The following GDPD1 variants were observed in gnomAD, a reference collection of about 807,000 sequenced individuals.
GDPD1 encodes glycerophosphodiester phosphodiesterase domain containing 1.
A neutral mutation model predicts 45.1 loss-of-function variants in GDPD1; 28 were observed. That is an observed-to-expected ratio of 0.62 (90% CI 0.46 to 0.85). The LOEUF (loss-of-function observed/expected upper bound fraction) is 0.85, where lower values mean the gene tolerates loss of function less well. GDPD1 is among the 40% of genes least tolerant of loss of function. GDPD1 has a pLI of 0.00. For synonymous variants in GDPD1, 139 were observed against 131.4 expected (o/e 1.06, Z -0.40); for missense variants, 256 against 364.8 (o/e 0.70, Z 2.43).
At chr17:59,262,790 C>G (rs7207522) in intron 6 of GDPD1, among the ~76,000 whole-genome samples, 66,991 of 151,716 alleles carry the variant, frequency 0.44, 16,559 homozygotes, top group African/African-American at 0.68. Flanking sequence ...ACTAAGCCTG[C>G]CTAATTTTTG....
intron 7 of GDPD1, among the ~76,000 whole-genome samples, chr17:59,269,561 G>A (rs2047429315): frequency 1.3e-5 from 2 of 149,852 alleles, no homozygotes. Flanking sequence ...AGGGGCTCCT[G>A]CCTGTAATCT....
At chr17:59,242,234 T>C (rs2047180686) in intron 2 of GDPD1, among the ~76,000 whole-genome samples, 1 of 152,190 alleles carries the variant, frequency 6.6e-6, no homozygotes, top group Non-Finnish European at 1.5e-5. Flanking sequence ...AGCTAATTTT[T>C]GTATTTTTAG....
At chr17:59,269,203 A>T (rs1368457053) in intron 7 of GDPD1, among the ~76,000 whole-genome samples, 4 of 152,018 alleles carry the variant, frequency 2.6e-5, no homozygotes, top group Non-Finnish European at 5.9e-5. Flanking sequence ...AGGCTGAGGC[A>T]AGAGAGTCGC....
intron 4 of GDPD1, among the ~76,000 whole-genome samples, chr17:59,250,492 A>G (rs76963501): frequency 0.082 from 12,482 of 151,810 alleles, 1,138 homozygotes; most frequent in African/African-American, 0.22. Flanking sequence ...GAATATGCCT[A>G]TAGTCTCAGC....
chr17:59,230,467 C>T lies in GDPD1; in HGVS notation c.143-4025C>T, dbSNP rs547995315. Among the ~76,000 whole-genome samples the T allele has an allele frequency of 2.7e-5, 4 of 148,686 alleles. No homozygotes were observed. The South Asian group carries it at 6.4e-4, about 24-fold the overall frequency. ...GCGCGATCTTGGCTCACTGCAACCT[C>T]CGCCTCCCGGGTTCAAGCGATTCTC... On this transcript the variant is annotated intron_variant, in intron 1 of 9. Transcript: ENST00000284116.
At chr17:59,248,712 CT>C (rs763359403) in intron 3 of GDPD1, 27 bp from the exon 4 acceptor site, 117 of 1,531,396 alleles carry the variant, frequency 7.6e-5, no homozygotes, top group Non-Finnish European at 8.8e-5. Context: ...TGAGAGTTAA[CT>C]TTTTTTTCAA....
intron 6 of GDPD1, among the ~76,000 whole-genome samples, chr17:59,263,581 C>T (rs1348374492): frequency 6.7e-5 from 10 of 149,460 alleles, no homozygotes; most frequent in Admixed American, 1.4e-4. Flanking sequence ...CGGGTTCAAG[C>T]GATTCTCCTC....
chr17:59,265,415 G>C (rs530385576), intron 6 of GDPD1, among the ~76,000 whole-genome samples: 1 of 151,716 alleles, frequency 6.6e-6, no homozygotes, highest in Non-Finnish European at 1.5e-5. Flanking sequence ...GTGCATGTCT[G>C]TAGTCCCAGC....
intron 2 of GDPD1, among the ~76,000 whole-genome samples, chr17:59,240,012 G>T (rs534012059): frequency 1.1e-4 from 16 of 152,070 alleles, no homozygotes; most frequent in African/African-American, 3.6e-4. Context: ...TTACACTTTG[G>T]CTGGGTGCAG....
In GDPD1 at chr17:59,273,902, G is replaced by A; in HGVS notation, c.*129G>A. 8.8e-7 allele frequency: 1 copy of A among 1,138,110 alleles called. No individual in the cohort carries two copies. Among genetic ancestry groups the A allele is most frequent in the Non-Finnish European group, 1.1e-6 (1 of 909,260 alleles). 70.5% of individuals were successfully genotyped at this position (1,138,110 alleles called of 1,614,324 possible). On this transcript the variant is annotated 3_prime_UTR_variant, in exon 10 of 10. Transcript: ENST00000284116. ...TCAGTTTTTATTACCTCATTTTTAA[G>A]CCTGTATGAGAATGTAGAAACTATA...
At chr17:59,241,477 C>T (rs2047175231) in intron 2 of GDPD1, among the ~76,000 whole-genome samples, 2 of 152,158 alleles carry the variant, frequency 1.3e-5, no homozygotes, top group Non-Finnish European at 2.9e-5. Flanking sequence ...GACACTATGC[C>T]TGGCTAATTA....
intron 3 of GDPD1, among the ~76,000 whole-genome samples, chr17:59,246,724 A>G (rs1426115167): frequency 6.7e-6 from 1 of 149,964 alleles, no homozygotes. Flanking sequence ...AAAAAAAAAA[A>G]AAAAAAAAGA....
chr17:59,248,434 A>T lies in GDPD1; in HGVS notation c.322-306A>T, dbSNP rs77914912. On this transcript the variant is annotated intron_variant, in intron 3 of 9. Transcript: ENST00000284116. The stretch of plus-strand genomic sequence containing the variant: ...TTAGTTTAAAGATCTATTAATTGTT[A>T]GTTATTTTTCTTTGGTTTTCATTGA... 0.011 allele frequency among the ~76,000 whole-genome samples: 1,650 copies of T among 152,176 alleles called. 20 individuals are homozygous for T. Among genetic ancestry groups the T allele is most frequent in the Non-Finnish European group, 0.016 (1,098 of 67,994 alleles).
At chr17:59,225,289 G>A (rs773719605) in intron 1 of GDPD1, among the ~76,000 whole-genome samples, 1 of 151,726 alleles carries the variant, frequency 6.6e-6, no homozygotes, top group African/African-American at 2.4e-5. Flanking sequence ...ATTTTTAGTA[G>A]AGATGGGTTT....
At chr17:59,224,895 A>G (rs2047035663) in intron 1 of GDPD1, among the ~76,000 whole-genome samples, 1 of 152,116 alleles carries the variant, frequency 6.6e-6, no homozygotes, top group African/African-American at 2.4e-5. Flanking sequence ...TTCCAACTAC[A>G]TATCTGTGTG....
At chr17:59,230,791 G>T (rs779779992) in intron 1 of GDPD1, among the ~76,000 whole-genome samples, 2 of 152,118 alleles carry the variant, frequency 1.3e-5, no homozygotes, top group Non-Finnish European at 2.9e-5. Flanking sequence ...AGTTTGCCAG[G>T]GTCATTGCTG....
intron 2 of GDPD1, among the ~76,000 whole-genome samples, chr17:59,235,711 G>T (rs1254358862): frequency 2.0e-5 from 3 of 151,974 alleles, no homozygotes; most frequent in African/African-American, 7.3e-5. Flanking sequence ...CAGCTACTCG[G>T]GAGTCTGGGG....
intron 2 of GDPD1, among the ~76,000 whole-genome samples, chr17:59,244,352 G>A (rs932013332): frequency 6.6e-6 from 1 of 152,136 alleles, no homozygotes; most frequent in African/African-American, 2.4e-5. Context: ...CCAGTCGAAT[G>A]CTCCTAGAAG....
intron 6 of GDPD1, chr17:59,260,986 T>G (rs2047351322): frequency 6.6e-6 from 1 of 152,058 alleles, no homozygotes; most frequent in Admixed American, 6.6e-5. Context: ...TTGTTGTGGT[T>G]GTTGTTTTGG....
Sources: gnomAD v4.1 joint callset for allele counts (sites outside exome capture counted in the v4.1 genomes callset) on GRCh38, gnomAD v4.1.1 for gene constraint, MANE v1.5 for transcripts, NCBI Gene and HGNC (gene_info 2026-07-23, HGNC 2026-07-21) for gene names.